Variants in CNTN4 observed in about 807,000 individuals in gnomAD.
The protein encoded by CNTN4 is contactin-4.
Under a neutral mutation model 122.5 loss-of-function variants are expected in CNTN4, and 77 were observed. That is an observed-to-expected ratio of 0.63 (90% CI 0.52 to 0.76). The LOEUF (loss-of-function observed/expected upper bound fraction) is 0.76. Ranked by LOEUF, CNTN4 falls within the 30% of genes least tolerant of loss-of-function variation. The pLI is 0.00. For synonymous variants in CNTN4, 512 were observed against 447.0 expected (o/e 1.15, Z -1.83); for missense variants, 1,256 against 1,259.1 (o/e 1.00, Z 0.04).
chr3:2,634,348 G>T (rs2082564948), intron 4 of CNTN4, among the ~76,000 whole-genome samples: 1 of 152,126 alleles, frequency 6.6e-6, no homozygotes, highest in African/African-American at 2.4e-5. Flanking sequence ...ATTTGTGTAT[G>T]CGGCAATATT....
intron 2 of CNTN4, among the ~76,000 whole-genome samples, chr3:2,197,500 C>T (rs13095275): frequency 0.3 from 44,961 of 152,028 alleles, 8,369 homozygotes; most frequent in Non-Finnish European, 0.41. Flanking sequence ...GCAATATAAT[C>T]CTGTGGGGAT....
intron 3 of CNTN4, among the ~76,000 whole-genome samples, chr3:2,455,599 T>C (rs1369296610): frequency 6.6e-6 from 1 of 152,128 alleles, no homozygotes; most frequent in Non-Finnish European, 1.5e-5. Context: ...ATTTTTACTG[T>C]TAAGGTTTTA....
At chr3:2,133,035 G>A (rs1026876495) in intron 2 of CNTN4, among the ~76,000 whole-genome samples, 10 of 152,112 alleles carry the variant, frequency 6.6e-5, no homozygotes, top group African/African-American at 2.4e-4. Flanking sequence ...TAAGTAGGAG[G>A]CATGCAGAGG....
Position 2,856,716 on chromosome 3 carries a change from C to G in CNTN4, c.455-10036C>G, listed in dbSNP as rs180772084. ...TTAATCACGGATGCCCTTACTCAGCCTCCCTAAAGTTTTGCAACTCCTCGC... is the reference window on the plus strand; with the variant it reads ...TTAATCACGGATGCCCTTACTCAGCGTCCCTAAAGTTTTGCAACTCCTCGC... On this transcript the variant is annotated intron_variant, in intron 7 of 24. Coordinates refer to ENST00000418658, the MANE Select transcript of CNTN4 (RefSeq NM_175607.3). Among the ~76,000 whole-genome samples, 4 of 152,298 alleles carry G rather than the reference C, an allele frequency of 2.6e-5. No homozygotes were observed. The East Asian group carries it at 7.7e-4, about 29-fold the overall frequency.
intron 2 of CNTN4, among the ~76,000 whole-genome samples, chr3:2,284,404 G>C (rs867093680): frequency 5.9e-5 from 9 of 152,082 alleles, no homozygotes; most frequent in African/African-American, 1.9e-4. Context: ...GCTTTATACT[G>C]TTTGGCTATC....
intron 3 of CNTN4, among the ~76,000 whole-genome samples, chr3:2,374,120 G>A (rs992710680): frequency 1.3e-5 from 2 of 152,140 alleles, no homozygotes; most frequent in Non-Finnish European, 2.9e-5. Flanking sequence ...TGCAAGTGCT[G>A]ATCTAACTCA....
At chr3:2,583,537 A>ACC (rs2080042829) in intron 4 of CNTN4, among the ~76,000 whole-genome samples, 1 of 152,230 alleles carries the variant, frequency 6.6e-6, no homozygotes, top group African/African-American at 2.4e-5. Flanking sequence ...AGAGTGTTTT[A>ACC]GTATTTGATT....
intron 7 of CNTN4, among the ~76,000 whole-genome samples, chr3:2,856,880 T>C (rs552936058): frequency 6.6e-6 from 1 of 152,318 alleles, no homozygotes; most frequent in South Asian, 2.1e-4. Flanking sequence ...GCAGTGGGAC[T>C]CACAGAGGAT....
intron 3 of CNTN4, among the ~76,000 whole-genome samples, chr3:2,501,864 A>T (rs183736890): frequency 1.1e-3 from 167 of 152,216 alleles, no homozygotes; most frequent in African/African-American, 3.8e-3. Context: ...TTAAGCAACC[A>T]CGCATTGTCC....
intron 3 of CNTN4, among the ~76,000 whole-genome samples, chr3:2,479,582 T>A (rs1445811231): frequency 1.3e-5 from 2 of 152,126 alleles, no homozygotes; most frequent in Non-Finnish European, 2.9e-5. Context: ...CCCGGGAAGA[T>A]TGTAACCCCA....
At chr3:2,765,123 G>A (rs74495117) in intron 6 of CNTN4, among the ~76,000 whole-genome samples, 2,728 of 152,280 alleles carry the variant, frequency 0.018, 79 homozygotes, top group African/African-American at 0.062. Context: ...TCTAAATGCC[G>A]TACTGTCAAC....
intron 7 of CNTN4, among the ~76,000 whole-genome samples, chr3:2,845,664 A>G (rs1374865805): frequency 1.3e-5 from 2 of 152,188 alleles, no homozygotes; most frequent in African/African-American, 4.8e-5. Flanking sequence ...AGACATGTTG[A>G]GAACAGCAAA....
At chr3:2,124,466 ACACACACC>A (rs1295786079) in intron 2 of CNTN4, among the ~76,000 whole-genome samples, 12 of 148,748 alleles carry the variant, frequency 8.1e-5, no homozygotes, top group South Asian at 4.5e-4. Flanking sequence ...ACACACACAC[ACACACACC>A]CCCTTAAGCA....
chr3:2,380,265 C>T (rs2045968436), intron 3 of CNTN4, among the ~76,000 whole-genome samples: 1 of 152,080 alleles, frequency 6.6e-6, no homozygotes, highest in African/African-American at 2.4e-5. Flanking sequence ...TAGATATTGG[C>T]AGCGTATCTC....
chr3:2,302,356 A>G (rs1046112841), intron 2 of CNTN4, among the ~76,000 whole-genome samples: 4 of 152,194 alleles, frequency 2.6e-5, no homozygotes, highest in Admixed American at 1.3e-4. Flanking sequence ...TGAACCCAGG[A>G]GGTGGAGTTT....
Position 2,829,977 on chromosome 3 carries a change from G to C in CNTN4, c.454+10396G>C, listed in dbSNP as rs114820327. Among the ~76,000 whole-genome samples the C allele has an allele frequency of 1.3e-3, 194 of 152,246 alleles. 2 individuals carry two copies. The highest frequency in any genetic ancestry group is 4.4e-3 in the African/African-American group (181 of 41,544). On this transcript the variant is annotated intron_variant, in intron 7 of 24. Transcript: ENST00000418658. ...TTCCTGGCCATAGCACTTAGAAATA[G>C]ACTCAGCTACTTAATAAATACCAGT...
intron 2 of CNTN4, among the ~76,000 whole-genome samples, chr3:2,298,599 C>T (rs2042394615): frequency 6.6e-6 from 1 of 152,102 alleles, no homozygotes; most frequent in Non-Finnish European, 1.5e-5. Context: ...AATGAATTTC[C>T]ATCTTTGGTA....
In CNTN4 at chr3:2,245,308, A is replaced by T. The variant is rs143020212; in HGVS notation, c.-144-93870A>T. On this transcript the variant is annotated intron_variant, in intron 2 of 24. Transcript: ENST00000418658. ...TCTAATATGTGGGCAAAATAGACAG[A>T]TTGGTGCAATATCCAGCACAGTTTA... Among the ~76,000 whole-genome samples the T allele has an allele frequency of 2.5e-3, 384 of 152,198 alleles. 2 individuals carry two copies. The highest frequency in any genetic ancestry group is 0.02 in the Middle Eastern group (6 of 294).
intron 2 of CNTN4, among the ~76,000 whole-genome samples, chr3:2,169,535 T>A (rs1244088249): frequency 1.4e-5 from 2 of 145,874 alleles, no homozygotes; most frequent in South Asian, 4.6e-4. Context: ...GCCTCCCGAG[T>A]AGCTGGGACT....
Sources: gnomAD v4.1 joint callset for allele counts (sites outside exome capture counted in the v4.1 genomes callset) on GRCh38, gnomAD v4.1.1 for gene constraint, MANE v1.5 for transcripts, NCBI Gene and HGNC (gene_info 2026-07-23, HGNC 2026-07-21) for gene names.